Variants in TENM4 observed in about 807,000 individuals in gnomAD.
TENM4 encodes teneurin transmembrane protein 4, also known as teneurin-4.
TENM4 carries 82 observed loss-of-function variants against 243.3 expected under a neutral mutation model. That is an observed-to-expected ratio of 0.34 (90% CI 0.28 to 0.40). The LOEUF (loss-of-function observed/expected upper bound fraction) is 0.40, where lower values mean the gene tolerates loss of function less well. Ranked by LOEUF, TENM4 falls within the 10% of genes least tolerant of loss-of-function variation. The pLI, the probability that TENM4 is intolerant of heterozygous loss-of-function variation, is 1.00. For synonymous variants in TENM4, 1,412 were observed against 1,456.3 expected, an observed-to-expected ratio of 0.97 and a Z score of 0.69; for missense variants, 3,138 against 3,673.3, an observed-to-expected ratio of 0.85 and a Z score of 3.77.
chr11:79,398,085 C>T (rs1858381933), intron 1 of TENM4, among the ~76,000 whole-genome samples: 1 of 152,110 alleles, frequency 6.6e-6, no homozygotes, highest in Non-Finnish European at 1.5e-5. Context: ...CCAATTTGTG[C>T]AAGACAAATT....
intron 12 of TENM4, among the ~76,000 whole-genome samples, chr11:78,819,591 G>A (rs922243357): frequency 6.6e-6 from 1 of 152,150 alleles, no homozygotes; most frequent in Non-Finnish European, 1.5e-5. Context: ...GCAAACCTCT[G>A]TGGACGTGCG....
intron 12 of TENM4, among the ~76,000 whole-genome samples, chr11:78,822,800 ACT>A (rs993836991): frequency 6.6e-6 from 1 of 152,242 alleles, no homozygotes; most frequent in African/African-American, 2.4e-5. Context: ...ACATTTTATT[ACT>A]TCAACCAATA....
chr11:78,888,032 C>A (rs1185309337), intron 9 of TENM4, among the ~76,000 whole-genome samples: 1 of 152,276 alleles, frequency 6.6e-6, no homozygotes, highest in East Asian at 1.9e-4. Context: ...CCAGAAGAAA[C>A]CTTCATGCCA....
At chr11:79,129,214 G>A (rs545063590) in intron 4 of TENM4, among the ~76,000 whole-genome samples, 1 of 152,322 alleles carries the variant, frequency 6.6e-6, no homozygotes, top group Admixed American at 6.5e-5. Context: ...AAAGGCCCTG[G>A]GAGCTTGCTG....
intron 32 of TENM4, among the ~76,000 whole-genome samples, chr11:78,664,480 C>A (rs1310322832): frequency 2.0e-5 from 3 of 152,168 alleles, no homozygotes; most frequent in African/African-American, 7.2e-5. Flanking sequence ...CTGTCTTGGC[C>A]TTCCAAAGTA....
At chr11:79,153,012 C>T (rs959890498) in intron 3 of TENM4, among the ~76,000 whole-genome samples, 1 of 152,164 alleles carries the variant, frequency 6.6e-6, no homozygotes, top group Non-Finnish European at 1.5e-5. Context: ...TTTAGAATGG[C>T]TTTCCATCAC....
intron 1 of TENM4, among the ~76,000 whole-genome samples, chr11:79,319,396 T>A (rs540610632): frequency 6.6e-6 from 1 of 152,278 alleles, no homozygotes; most frequent in East Asian, 1.9e-4. Context: ...GAAACTTAAA[T>A]TGAACTCAGA....
intron 2 of TENM4, among the ~76,000 whole-genome samples, chr11:79,248,096 G>A (rs997220062): frequency 6.6e-6 from 1 of 152,156 alleles, no homozygotes; most frequent in African/African-American, 2.4e-5. Flanking sequence ...GAGCTTTGTG[G>A]TGGCCTGCCT....
chr11:79,266,962 T>C (rs1267611523), intron 2 of TENM4, among the ~76,000 whole-genome samples: 1 of 152,202 alleles, frequency 6.6e-6, no homozygotes, highest in Admixed American at 6.5e-5. Context: ...CATTCACAAG[T>C]GAGCATTTTG....
chr11:79,264,257 C>G (rs1855846593), intron 2 of TENM4, among the ~76,000 whole-genome samples: 1 of 152,210 alleles, frequency 6.6e-6, no homozygotes, highest in South Asian at 2.1e-4. Flanking sequence ...CAACATCTAT[C>G]TTTTGGCCTT....
intron 18 of TENM4, among the ~76,000 whole-genome samples, chr11:78,760,557 G>C (rs750598175): frequency 3.9e-5 from 6 of 152,204 alleles, no homozygotes; most frequent in Non-Finnish European, 7.3e-5. Context: ...TTCTAGAGAG[G>C]AACTTTTAGA....
chr11:79,333,203 G>A (rs146136198), intron 1 of TENM4, among the ~76,000 whole-genome samples: 40 of 151,954 alleles, frequency 2.6e-4, no homozygotes, highest in African/African-American at 9.4e-4. Context: ...TCAAAACAAG[G>A]TCTGTCAGAT....
intron 6 of TENM4, among the ~76,000 whole-genome samples, chr11:78,976,864 G>A (rs181231315): frequency 1.9e-3 from 286 of 152,276 alleles, no homozygotes; most frequent in Middle Eastern, 6.8e-3. Context: ...GAAGAGAAAG[G>A]AATAAGCATT....
At chr11:79,383,804 T>C (rs1858054377) in intron 1 of TENM4, among the ~76,000 whole-genome samples, 1 of 152,150 alleles carries the variant, frequency 6.6e-6, no homozygotes, top group Admixed American at 6.5e-5. Flanking sequence ...ATAATAGAGA[T>C]TTTTCAATTC....
At chr11:79,003,432 C>T (rs1023812849) in intron 6 of TENM4, among the ~76,000 whole-genome samples, 7 of 152,054 alleles carry the variant, frequency 4.6e-5, no homozygotes, top group Admixed American at 2.6e-4. Flanking sequence ...AAAAATAACT[C>T]CATCAGGCTA....
intron 6 of TENM4, among the ~76,000 whole-genome samples, chr11:78,911,323 T>C (rs1856180189): frequency 6.6e-6 from 1 of 152,152 alleles, no homozygotes; most frequent in Non-Finnish European, 1.5e-5. Context: ...TGTAAGACTT[T>C]ATTCTCTGTT....
At chr11:78,891,041 C>T (rs1855652723) in intron 8 of TENM4, among the ~76,000 whole-genome samples, 197 bp downstream of exon 8, 1 of 152,196 alleles carries the variant, frequency 6.6e-6, no homozygotes, top group Non-Finnish European at 1.5e-5. Flanking sequence ...TGCATATTAA[C>T]AAGACTGCTG....
intron 15 of TENM4, among the ~76,000 whole-genome samples, chr11:78,792,059 A>T (rs1857067011): frequency 6.6e-6 from 1 of 152,196 alleles, no homozygotes; most frequent in Admixed American, 6.5e-5. Context: ...TAAAATGAGG[A>T]GAGTAATAAT....
intron 6 of TENM4, among the ~76,000 whole-genome samples, chr11:78,997,934 TTC>T (rs750946321): frequency 6.6e-6 from 1 of 152,324 alleles, no homozygotes; most frequent in Admixed American, 6.5e-5. Context: ...TCTCTCTCTC[TTC>T]TCTCTTTCCT....
Sources: gnomAD v4.1 joint callset for allele counts (sites outside exome capture counted in the v4.1 genomes callset) on GRCh38, gnomAD v4.1.1 for gene constraint, MANE v1.5 for transcripts, NCBI Gene and HGNC (gene_info 2026-07-23, HGNC 2026-07-21) for gene names.